The following MIPEP variants were observed in gnomAD, a reference collection of about 807,000 sequenced individuals.
MIPEP encodes mitochondrial intermediate peptidase.
Under a neutral mutation model 90.3 loss-of-function variants are expected in MIPEP, and 79 were observed. The ratio of observed to expected loss-of-function variants is 0.87; its 90% CI spans 0.73 to 1.05. MIPEP has a LOEUF of 1.05. Ranked by LOEUF, MIPEP falls within the 50% of genes least tolerant of loss-of-function variation. MIPEP has a pLI of 0.00. For synonymous variants in MIPEP, 334 were observed against 315.8 expected, an observed-to-expected ratio of 1.06 and a Z score of -0.61; for missense variants, 940 against 905.6, an observed-to-expected ratio of 1.04 and a Z score of -0.49.
At chr13:23,740,695 T>C (rs1952317748) in intron 18 of MIPEP, among the ~76,000 whole-genome samples, 1 of 152,218 alleles carries the variant, frequency 6.6e-6, no homozygotes, top group Non-Finnish European at 1.5e-5. Context: ...ACAAGCAAGC[T>C]TTAATGCCTG....
At chr13:23,861,685 C>T (rs1870313019) in intron 9 of MIPEP, among the ~76,000 whole-genome samples, 1 of 151,982 alleles carries the variant, frequency 6.6e-6, no homozygotes, top group South Asian at 2.1e-4. Context: ...CCTGTAGTGC[C>T]CTAGAACCAA....
chr13:23,838,375 T>C (rs543388490), intron 12 of MIPEP, among the ~76,000 whole-genome samples: 13 of 152,260 alleles, frequency 8.5e-5, no homozygotes, highest in African/African-American at 2.9e-4. Flanking sequence ...CTTGAACTCC[T>C]GGACTGAAGT....
chr13:23,740,220 G>A (rs1389813158), intron 18 of MIPEP, among the ~76,000 whole-genome samples: 1 of 152,116 alleles, frequency 6.6e-6, no homozygotes, highest in Non-Finnish European at 1.5e-5. Context: ...AAATGAGGAA[G>A]CTCTCCCTGC....
chr13:23,851,820 A>T (rs142234253), intron 10 of MIPEP, among the ~76,000 whole-genome samples: 115 of 152,232 alleles, frequency 7.6e-4, no homozygotes, highest in African/African-American at 2.6e-3. Flanking sequence ...TGAGCCTCCA[A>T]GTCGCTGGGA....
intron 14 of MIPEP, among the ~76,000 whole-genome samples, chr13:23,829,537 A>G (rs930147833): frequency 1.3e-5 from 2 of 152,242 alleles, no homozygotes; most frequent in Non-Finnish European, 2.9e-5. Flanking sequence ...ACATATGCCT[A>G]AAAAGGATTA....
chr13:23,773,042 A>T (rs1208972929), intron 16 of MIPEP, among the ~76,000 whole-genome samples: 1 of 152,216 alleles, frequency 6.6e-6, no homozygotes, highest in Non-Finnish European at 1.5e-5. Flanking sequence ...GGTTTTCAGT[A>T]TATTCACAAA....
intron 16 of MIPEP, among the ~76,000 whole-genome samples, chr13:23,769,290 T>A (rs1952625497): frequency 6.6e-6 from 1 of 152,102 alleles, no homozygotes; most frequent in African/African-American, 2.4e-5. Flanking sequence ...TGGGAGTCAA[T>A]GAAACCCCTG....
At chr13:23,771,715 C>T (rs535293219) in intron 16 of MIPEP, among the ~76,000 whole-genome samples, 6 of 152,184 alleles carry the variant, frequency 3.9e-5, no homozygotes, top group Non-Finnish European at 4.4e-5. Flanking sequence ...ATCTGAAACC[C>T]GTGAAATGTG....
chr13:23,884,405 A>G (rs966588482), intron 2 of MIPEP, among the ~76,000 whole-genome samples: 8 of 152,152 alleles, frequency 5.3e-5, no homozygotes, highest in Non-Finnish European at 7.3e-5. Flanking sequence ...AAAGATGGAG[A>G]GGCTAACAAA....
chr13:23,886,701 CATA>C (rs1263365430), intron 1 of MIPEP, among the ~76,000 whole-genome samples, 195 bp from the exon 2 acceptor site: 2 of 152,000 alleles, frequency 1.3e-5, no homozygotes, highest in African/African-American at 4.8e-5. Context: ...GTTTTCAGAA[CATA>C]ATTTTTCTTC....
chr13:23,886,200 C>T, intron 2 of MIPEP, 133 bp downstream of exon 2: 2 of 605,056 alleles, frequency 3.3e-6, no homozygotes, highest in Admixed American at 4.2e-5. Flanking sequence ...AAAATTATAC[C>T]CAATGGATCT....
intron 16 of MIPEP, among the ~76,000 whole-genome samples, chr13:23,791,197 ATACTC>A (rs1952894821): frequency 4.6e-5 from 7 of 152,220 alleles, no homozygotes; most frequent in Admixed American, 2.0e-4. Flanking sequence ...CTCTTGGACT[ATACTC>A]TACATTCACT....
intron 4 of MIPEP, among the ~76,000 whole-genome samples, chr13:23,875,775 A>C (rs149827270): frequency 1.7e-3 from 264 of 152,260 alleles, no homozygotes; most frequent in African/African-American, 5.2e-3. Flanking sequence ...TAAAATCACT[A>C]ATCCTATCAA....
rs537975582 is a variant in MIPEP, at chr13:23,856,676, T to C, written c.1106+2184A>G. 7.9e-5 allele frequency among the ~76,000 whole-genome samples: 12 copies of C among 152,232 alleles called. No homozygotes were observed. The East Asian group carries it at 2.1e-3, about 27-fold the overall frequency. ...CAGAAATCCCTTTCCTTGCCATCTG[T>C]TGGTCTGGGCTGGTTTCTTTACTTC... is the stretch of plus-strand genomic sequence containing the variant. On this transcript the variant is annotated intron_variant, in intron 10 of 18. Transcript: ENST00000382172.
chr13:23,879,856 G>A (rs1389957723), intron 3 of MIPEP, among the ~76,000 whole-genome samples: 1 of 152,096 alleles, frequency 6.6e-6, no homozygotes, highest in Non-Finnish European at 1.5e-5. Flanking sequence ...CATGTGTGCA[G>A]CACACATTTC....
intron 16 of MIPEP, among the ~76,000 whole-genome samples, chr13:23,771,489 A>G (rs1255339550): frequency 2.0e-5 from 3 of 151,746 alleles, no homozygotes; most frequent in African/African-American, 7.3e-5. Flanking sequence ...TAAAATTATA[A>G]AGTTATCAAC....
At chr13:23,792,100 C>T (rs1445265025) in intron 16 of MIPEP, among the ~76,000 whole-genome samples, 1 of 151,974 alleles carries the variant, frequency 6.6e-6, no homozygotes, top group Non-Finnish European at 1.5e-5. Flanking sequence ...TTGGTTCCTC[C>T]TCACTGTCCC....
At position 23,847,706 on chromosome 13, in the gene MIPEP, G is replaced by A. The variant is rs536386861; in HGVS notation, c.1107-6218C>T. The stretch of plus-strand genomic sequence containing the variant: ...TACCACAGTCTCTCCAACTGTCACA[G>A]AAGGGTAATTATTTGTGTTGTAAGA... On this transcript the variant is annotated intron_variant, in intron 10 of 18. Coordinates refer to ENST00000382172, the MANE Select transcript of MIPEP (RefSeq NM_005932.4). Among the ~76,000 whole-genome samples the A allele has an allele frequency of 1.4e-4, 22 of 152,312 alleles. No individual in the cohort carries two copies. In the South Asian group the frequency reaches 2.5e-3, roughly 17 times the overall value.
In MIPEP at chr13:23,760,018, G is replaced by C. The variant is rs572925117; in HGVS notation, c.1970+78C>G. The C allele has an allele frequency of 1.9e-6, 3 of 1,581,284 alleles. No individual in the cohort carries two copies. The East Asian group carries it at 6.7e-5, about 35-fold the overall frequency. ...CTGTGTTATGTGGGCTGCAGTTCTCGAGCCCGACTTCCAGATGTAATAGAG... is the reference window on the plus strand; with the variant it reads ...CTGTGTTATGTGGGCTGCAGTTCTCCAGCCCGACTTCCAGATGTAATAGAG... On this transcript the variant is annotated intron_variant, in intron 17 of 18. Transcript: ENST00000382172.
Sources: gnomAD v4.1 joint callset for allele counts (sites outside exome capture counted in the v4.1 genomes callset) on GRCh38, gnomAD v4.1.1 for gene constraint, MANE v1.5 for transcripts, NCBI Gene and HGNC (gene_info 2026-07-23, HGNC 2026-07-21) for gene names.